Variants in ESRRG observed in about 807,000 individuals in gnomAD.
ESRRG encodes the protein estrogen related receptor gamma.
ESRRG carries 13 observed loss-of-function variants against 44.0 expected under a neutral mutation model. The ratio of observed to expected loss-of-function variants is 0.30; its 90% CI spans 0.19 to 0.47. The LOEUF (loss-of-function observed/expected upper bound fraction) is 0.47, where lower values mean the gene tolerates loss of function less well. Ranked by LOEUF, ESRRG falls within the 20% of genes least tolerant of loss-of-function variation. The probability of loss-of-function intolerance (pLI) is 1.00; values close to 1 mark genes in which losing one functional copy is unlikely to be tolerated. For missense variants in ESRRG, 395 were observed against 580.6 expected, an observed-to-expected ratio of 0.68 and a Z score of 3.29; for synonymous variants, 215 against 214.6, an observed-to-expected ratio of 1.00 and a Z score of -0.02.
At chr1:216,934,330 A>C (rs2063791306) in intron 2 of ESRRG, among the ~76,000 whole-genome samples, 1 of 152,180 alleles carries the variant, frequency 6.6e-6, no homozygotes, top group African/African-American at 2.4e-5. Flanking sequence ...CCTACTTGGG[A>C]GGCTGAGGCA....
At position 216,879,796 on chromosome 1, in the gene ESRRG, A is replaced by G. The variant is rs540972199; in HGVS notation, c.-14+59786T>C. ...CTCTTTTAATCTGTCTCCATCTCCC[A>G]CTGCCCTTTTCCAAATATGGTATAC... On this transcript the variant is annotated intron_variant, in intron 2 of 7. Transcript: ENST00000359162. 4.1e-3 allele frequency among the ~76,000 whole-genome samples: 622 copies of G among 152,192 alleles called. 5 individuals are homozygous for G. The highest frequency in any genetic ancestry group is 7.8e-3 in the Non-Finnish European group (529 of 68,012).
Position 216,990,203 on chromosome 1 carries a change from C to A in ESRRG, c.-105-50530G>T, listed in dbSNP as rs147034456. On this transcript the variant is annotated intron_variant, in intron 1 of 7. Transcript: ENST00000359162. ...GGGATGGCATGACAGGCAAAGATAA[C>A]ATTTCTAGAAAAATGGATGCTGATC... Among the ~76,000 whole-genome samples, 386 of 152,224 alleles carry A rather than the reference C, an allele frequency of 2.5e-3. 2 individuals carry two copies. Among genetic ancestry groups the A allele is most frequent in the African/African-American group, 8.9e-3 (369 of 41,548 alleles).
At chr1:217,096,474 G>C (rs747590477) in intron 1 of ESRRG, among the ~76,000 whole-genome samples, 1 of 152,098 alleles carries the variant, frequency 6.6e-6, no homozygotes, top group Non-Finnish European at 1.5e-5. Flanking sequence ...CTGCTTTTGC[G>C]ACCCTGGGCA....
chr1:216,905,941 G>T (rs1456377933), intron 2 of ESRRG, among the ~76,000 whole-genome samples: 1 of 152,076 alleles, frequency 6.6e-6, no homozygotes, highest in Non-Finnish European at 1.5e-5. Flanking sequence ...AGTAAATACA[G>T]GGTTTCACCA....
chr1:216,723,359 G>T lies in ESRRG; in HGVS notation c.-60C>A. ...TATAAATCAAAGTTTCCTTGACAGA[G>T]CACAGTGCAATTAACACAAATGTTC... On this transcript the variant is annotated 5_prime_UTR_variant, in exon 1 of 7. Coordinates refer to ENST00000408911, the MANE Select transcript of ESRRG (RefSeq NM_001438.4). 6.6e-7 allele frequency: 1 copy of T among 1,516,116 alleles called. No individual in the cohort carries two copies. Among genetic ancestry groups the T allele is most frequent in the Non-Finnish European group, 9.2e-7 (1 of 1,091,222 alleles). 93.9% of individuals were successfully genotyped at this position (1,516,116 alleles called of 1,614,324 possible). A position where few individuals can be genotyped will look rare whatever the true frequency, so the allele number is the denominator to read the frequency against.
At chr1:216,570,905 T>C (rs1031924137) in intron 3 of ESRRG, among the ~76,000 whole-genome samples, 4 of 152,206 alleles carry the variant, frequency 2.6e-5, no homozygotes, top group South Asian at 2.1e-4. Flanking sequence ...TCCTCATATA[T>C]TGAACAAAAC....
At chr1:216,914,450 A>G (rs1419403251) in intron 2 of ESRRG, among the ~76,000 whole-genome samples, 1 of 152,140 alleles carries the variant, frequency 6.6e-6, no homozygotes, top group Non-Finnish European at 1.5e-5. Flanking sequence ...CTAAGAGGCC[A>G]TTTTTCAAAC....
At chr1:216,953,199 C>T (rs888234669) in intron 1 of ESRRG, among the ~76,000 whole-genome samples, 10 of 152,110 alleles carry the variant, frequency 6.6e-5, no homozygotes, top group Non-Finnish European at 2.9e-5. Context: ...CTCGTTCACA[C>T]TAAAGGCATG....
At chr1:216,797,824 A>C (rs918038302) in intron 2 of ESRRG, among the ~76,000 whole-genome samples, 1 of 152,114 alleles carries the variant, frequency 6.6e-6, no homozygotes, top group Non-Finnish European at 1.5e-5. Context: ...CTCCACTGTA[A>C]AGTTACTCTT....
At chr1:217,129,588 T>A (rs1003572224) in intron 1 of ESRRG, among the ~76,000 whole-genome samples, 1 of 152,192 alleles carries the variant, frequency 6.6e-6, no homozygotes, top group Non-Finnish European at 1.5e-5. Context: ...GATATATCCA[T>A]AATATTGAAT....
chr1:216,592,705 G>C (rs1420430416), intron 3 of ESRRG, among the ~76,000 whole-genome samples: 1 of 152,052 alleles, frequency 6.6e-6, no homozygotes, highest in Non-Finnish European at 1.5e-5. Flanking sequence ...TCTCCATCTT[G>C]GCCTGGCTGT....
chr1:216,669,617 G>A (rs564901827), intron 2 of ESRRG, among the ~76,000 whole-genome samples: 2 of 152,338 alleles, frequency 1.3e-5, no homozygotes, highest in Admixed American at 6.5e-5. Flanking sequence ...TGGGCGCGGT[G>A]GCTCATGCCT....
chr1:217,058,349 T>C lies in ESRRG; in HGVS notation c.-106+31158A>G, dbSNP rs2087591851. ...AAGTATGAAGGACTCAAACAAATTG[T>C]TATGAATATGGACAAGAACTTAGAG... On this transcript the variant is annotated intron_variant, in intron 1 of 7. Transcript: ENST00000359162. 3.3e-5 allele frequency among the ~76,000 whole-genome samples: 5 copies of C among 152,184 alleles called. No individual in the cohort carries two copies. In the South Asian group the frequency reaches 1.0e-3, roughly 31 times the overall value.
intron 1 of ESRRG, among the ~76,000 whole-genome samples, chr1:217,137,322 C>T (rs557163588): frequency 3.3e-5 from 5 of 152,360 alleles, no homozygotes; most frequent in African/African-American, 1.2e-4. Context: ...CTCTTAAACG[C>T]AAAAGTTACT....
chr1:217,046,964 T>C lies in ESRRG; in HGVS notation c.-106+42543A>G, dbSNP rs551839024. 1.3e-4 allele frequency among the ~76,000 whole-genome samples: 20 copies of C among 152,232 alleles called. No homozygotes were observed. The South Asian group carries it at 3.5e-3, about 27-fold the overall frequency. ...ATTATTCCTTAGTTGGTAAGATTTG[T>C]TGTAAGCTGATTGAATATATTAACA... On this transcript the variant is annotated intron_variant, in intron 1 of 7. Transcript: ENST00000359162.
intron 1 of ESRRG, among the ~76,000 whole-genome samples, chr1:216,689,097 A>C (rs2078582412): frequency 6.6e-6 from 1 of 152,232 alleles, no homozygotes; most frequent in African/African-American, 2.4e-5. Context: ...CTGCAGAACT[A>C]TAAAATTAGA....
At chr1:216,601,284 C>T (rs2059209209) in intron 3 of ESRRG, among the ~76,000 whole-genome samples, 1 of 152,016 alleles carries the variant, frequency 6.6e-6, no homozygotes, top group African/African-American at 2.4e-5. Flanking sequence ...CCAGGGGCTC[C>T]CTCCGCAGAC....
intron 3 of ESRRG, among the ~76,000 whole-genome samples, chr1:216,586,198 C>T (rs1160778877): frequency 6.6e-6 from 1 of 152,098 alleles, no homozygotes; most frequent in Non-Finnish European, 1.5e-5. Context: ...CTTTTCCACC[C>T]TCCAGTATTG....
At chr1:216,557,438 C>CCAAAA (rs1279935306) in intron 5 of ESRRG, among the ~76,000 whole-genome samples, 10 of 151,966 alleles carry the variant, frequency 6.6e-5, no homozygotes, top group African/African-American at 2.4e-4. Flanking sequence ...CCAAACCAAA[C>CCAAAA]CAAAACAAAA....
Sources: allele counts gnomAD v4.1 joint callset (sites outside exome capture counted in the v4.1 genomes callset), GRCh38; gene constraint gnomAD v4.1.1; transcripts MANE v1.5; gene names NCBI Gene and HGNC (gene_info 2026-07-23, HGNC 2026-07-21).